Variants in TRIP11 observed in about 807,000 individuals in gnomAD.
The protein encoded by TRIP11 is thyroid hormone receptor interactor 11.
TRIP11 carries 148 observed loss-of-function variants against 223.1 expected under a neutral mutation model. That is an observed-to-expected ratio of 0.66 (90% CI 0.58 to 0.76). The LOEUF is 0.76. Ranked by LOEUF, TRIP11 falls within the 30% of genes least tolerant of loss-of-function variation. TRIP11 has a pLI of 0.00. For synonymous variants in TRIP11, 762 were observed against 772.6 expected (o/e 0.99, Z 0.23); for missense variants, 2,043 against 2,222.0 (o/e 0.92, Z 1.62).
intron 20 of TRIP11, 39 bp downstream of exon 20, chr14:91,972,678 A>G (rs773147460): frequency 1.3e-6 from 2 of 1,576,542 alleles, no homozygotes; most frequent in Non-Finnish European, 1.7e-6. Context: ...TTAAACATTC[A>G]ATTTTCAAAT....
At chr14:92,007,602 T>C (rs201408884) in intron 10 of TRIP11, 38 bp downstream of exon 10, 2 of 1,596,202 alleles carry the variant, frequency 1.3e-6, no homozygotes, top group Non-Finnish European at 1.7e-6. Context: ...GTTTACTTAG[T>C]AGAATGTGCT....
At chr14:91,996,282 C>T (rs2056749981) in intron 13 of TRIP11, among the ~76,000 whole-genome samples, 1 of 152,176 alleles carries the variant, frequency 6.6e-6, no homozygotes, top group Admixed American at 6.5e-5. Flanking sequence ...ACCTGTTGCC[C>T]TGTTTTTGTA....
At chr14:91,979,113 C>T (rs560338409) in intron 16 of TRIP11, among the ~76,000 whole-genome samples, 13 of 151,962 alleles carry the variant, frequency 8.6e-5, no homozygotes, top group African/African-American at 2.2e-4. Flanking sequence ...AAAAATTAGT[C>T]GGGTGTGGCG....
chr14:91,973,277 G>A (rs1327987765), intron 19 of TRIP11, among the ~76,000 whole-genome samples: 4 of 152,048 alleles, frequency 2.6e-5, no homozygotes, highest in Admixed American at 2.0e-4. Context: ...GCCCACCTCG[G>A]CCTCCCAAAG....
chr14:91,999,380 C>T lies in TRIP11; in HGVS notation c.4752G>A (p.Leu1584=), dbSNP rs999313833. The T allele has an allele frequency of 1.2e-6, 2 of 1,613,800 alleles. No individual in the cohort carries two copies. The highest frequency in any genetic ancestry group is 2.7e-5 in the African/African-American group (2 of 74,908). ...CTTCTGATTCTAAAAGATGATTACG[C>T]AATCTCTCTAGCTCTTGGTTTGAAC... ...EFRSNQELER[L]RNHLLESEDS... The change falls in exon 13 of 21, where the codon TTG becomes TTA. Residue 1584 remains leucine (L), a synonymous_variant. Transcript: ENST00000267622.
intron 19 of TRIP11, 100 bp downstream of exon 19, chr14:91,974,527 G>A: frequency 3.1e-6 from 3 of 981,652 alleles, no homozygotes; most frequent in South Asian, 2.8e-5. Flanking sequence ...TAAAAGGGTT[G>A]TATAAAATAA....
chr14:91,999,129 AATACAG>A (rs2056788020), intron 13 of TRIP11, 105 bp downstream of exon 13: 3 of 1,225,222 alleles, frequency 2.4e-6, no homozygotes, highest in Admixed American at 2.1e-5. Context: ...TCATCCATAA[AATACAG>A]ATAATGAATT....
rs112793016 is a variant in TRIP11 at position 92,000,140 on chromosome 14, A to AAC, written c.4558-34_4558-33dup. On this transcript the variant is annotated intron_variant, in intron 11 of 20. Coordinates refer to ENST00000267622, the MANE Select transcript of TRIP11 (RefSeq NM_004239.4). ...GAAAGAAAAAATTTTAGCTTTAAAA[A>AAC]ACACACACACACACATATTTTAAAA... 9.9e-3 allele frequency: 15,875 copies of AAC among 1,609,412 alleles called. 548 individuals carry two copies. The African/African-American group carries it at 0.11, about 12-fold the overall frequency.
At chr14:91,984,418 C>T (rs554845037) in intron 16 of TRIP11, among the ~76,000 whole-genome samples, 1 of 150,696 alleles carries the variant, frequency 6.6e-6, no homozygotes, top group Non-Finnish European at 1.5e-5. Context: ...CAGGTTCAGG[C>T]AATTCTTGTG....
chr14:92,021,952 T>G, intron 3 of TRIP11, 121 bp from the exon 4 acceptor site: 1 of 1,050,882 alleles, frequency 9.5e-7, no homozygotes, highest in Non-Finnish European at 1.4e-6. Flanking sequence ...ATGATGGTCC[T>G]CTATCAACTG....
chr14:92,014,468 A>C lies in TRIP11; in HGVS notation c.933T>G (p.Leu311=), dbSNP rs2057011279. Residue 311 remains leucine (L), a synonymous_variant, in exon 7 of 21, where the codon CTT becomes CTG. Transcript: ENST00000267622. ...TATTTATATCTTTTATTTTATCCTC[A>C]AGTTGTTCCATTTTTTTGGTAGACT... ...KVESTKKMEQ[L]EDKIKDINKK... 1 of 1,595,366 alleles carries C rather than the reference A, an allele frequency of 6.3e-7. No homozygotes were observed.
In TRIP11 at chr14:92,003,412, AAC is replaced by A. The variant is rs1187585906; in HGVS notation, c.4557+5_4557+6del. The A allele has an allele frequency of 1.2e-6, 2 of 1,612,602 alleles. No individual in the cohort carries two copies. Among genetic ancestry groups the A allele is most frequent in the Non-Finnish European group, 1.7e-6 (2 of 1,180,008 alleles). On this transcript the variant is annotated splice_donor_5th_base_variant and intron_variant, in intron 11 of 20. Coordinates refer to ENST00000267622, the MANE Select transcript of TRIP11 (RefSeq NM_004239.4). ...CTTCCTTCTACAATACTCCATCCAG[AAC>A]ACACCTGTTCTTTCTCTTTCAATAG...
rs1320046966 is a variant in TRIP11, at chr14:92,004,907, T to C, written c.3069A>G (p.Lys1023=). 4 of 1,613,954 alleles carry C rather than the reference T, an allele frequency of 2.5e-6. No homozygotes were observed. In the South Asian group the frequency reaches 3.3e-5, roughly 13 times the overall value. The change falls in exon 11 of 21, where the codon AAA becomes AAG. Residue 1023 remains lysine (K), a synonymous_variant. Coordinates refer to ENST00000267622, the MANE Select transcript of TRIP11 (RefSeq NM_004239.4). ...TCTCCAGTTCTCGCTCTTTTATTCC[T>C]TTCACTAATCTTTCCGTTTCAGCTT... ...LSKAETERLV[K]GIKERELEIK... is the part of the protein sequence containing the mutation.
intron 1 of TRIP11, among the ~76,000 whole-genome samples, chr14:92,038,262 T>A (rs561271332): frequency 2.0e-5 from 3 of 152,246 alleles, no homozygotes; most frequent in African/African-American, 7.2e-5. Context: ...GGTTGAGGGA[T>A]GCATATTCTC....
chr14:92,000,827 C>T (rs1595383650), intron 11 of TRIP11, among the ~76,000 whole-genome samples: 1 of 151,742 alleles, frequency 6.6e-6, no homozygotes, highest in African/African-American at 2.4e-5. Context: ...AGCACAAAAA[C>T]GTGTCAGGCT....
In TRIP11 at chr14:92,037,607, C is replaced by A. The variant is rs1028439493; in HGVS notation, c.139+1940G>T. 6.6e-6 allele frequency among the ~76,000 whole-genome samples: 1 copy of A among 152,244 alleles called. No individual in the cohort carries two copies. Among genetic ancestry groups the A allele is most frequent in the African/African-American group, 2.4e-5 (1 of 41,460 alleles). ...GTACATTGAAGGTCGGGTGCGGTGG[C>A]TCACGCCTGTAATCCCAGCACTCTG... On this transcript the variant is annotated intron_variant, in intron 1 of 20. Coordinates refer to ENST00000267622, the MANE Select transcript of TRIP11 (RefSeq NM_004239.4). This position sits in a 1 kb window ranked among gnomAD's most constrained non-coding sequence, Gnocchi z 4.2.
At chr14:91,990,254 G>A (rs1306186226) in intron 15 of TRIP11, among the ~76,000 whole-genome samples, 1 of 152,140 alleles carries the variant, frequency 6.6e-6, no homozygotes, top group Non-Finnish European at 1.5e-5. Flanking sequence ...TGAAGGAAAT[G>A]TAAACTTTCA....
chr14:91,994,376 T>C (rs925596821), intron 14 of TRIP11, among the ~76,000 whole-genome samples: 6 of 151,230 alleles, frequency 4.0e-5, no homozygotes, highest in African/African-American at 1.5e-4. Flanking sequence ...GCCGAGTAGC[T>C]GGGATTACAG....
chr14:91,976,322 A>G, intron 16 of TRIP11, 133 bp from the exon 17 acceptor site: 1 of 800,324 alleles, frequency 1.2e-6, no homozygotes. Flanking sequence ...AATATTCAAT[A>G]ACTTCTATCT....
Sources: gnomAD v4.1 joint callset for allele counts (sites outside exome capture counted in the v4.1 genomes callset) on GRCh38, gnomAD v4.1.1 for gene constraint, Gnocchi (gnomAD v3.1) non-coding constraint, MANE v1.5 for transcripts, NCBI Gene and HGNC (gene_info 2026-07-23, HGNC 2026-07-21) for gene names.